Variants in DNAH5 observed in about 807,000 individuals in gnomAD.
DNAH5 encodes the protein dynein axonemal heavy chain 5, also known as axonemal beta dynein heavy chain 5.
A neutral mutation model predicts 518.2 loss-of-function variants in DNAH5; 372 were observed. The ratio of observed to expected loss-of-function variants is 0.72; its 90% CI spans 0.66 to 0.78. DNAH5 has a LOEUF of 0.78. Among genes scored for constraint, DNAH5 ranks in the 30% least tolerant of loss-of-function variants. The probability of loss-of-function intolerance (pLI) is 0.00; values close to 1 mark genes in which losing one functional copy is unlikely to be tolerated. For missense variants in DNAH5, 5,523 were observed against 5,687.0 expected (o/e 0.97, Z 0.93); for synonymous variants, 2,039 against 2,025.9 (o/e 1.01, Z -0.17).
rs765491656 is a variant in DNAH5 at position 13,891,023 on chromosome 5, G to A, written c.2530C>T (p.Pro844Ser). The A allele has an allele frequency of 1.9e-6, 3 of 1,614,164 alleles. No homozygotes were observed. Among genetic ancestry groups the A allele is most frequent in the Non-Finnish European group, 2.5e-6 (3 of 1,180,012 alleles). The change falls in exon 17 of 79, where the codon CCC (proline) becomes TCC (serine). Residue 844 changes from proline (P) to serine (S), a missense_variant. Transcript: ENST00000265104. ...EMSSTPLCQL[P>S]QEEPLTCEEF... is the part of the protein sequence containing the mutation. ...TCACAGGTTAGTGGCTCCTCCTGGG[G>A]AAGCTGACAAAGAGGCGTGCTGCTC...
At chr5:13,801,866 G>C (rs560319593) in intron 47 of DNAH5, among the ~76,000 whole-genome samples, 27 of 152,076 alleles carry the variant, frequency 1.8e-4, no homozygotes, top group African/African-American at 6.0e-4. Flanking sequence ...AAAACACATA[G>C]ACTGTGAAGT....
chr5:13,996,230 A>C (rs1581139363), intron 1 of DNAH5, among the ~76,000 whole-genome samples: 1 of 152,038 alleles, frequency 6.6e-6, no homozygotes, highest in East Asian at 1.9e-4. Flanking sequence ...CCCACCTCCT[A>C]ATACTATTAT....
chr5:13,793,850 A>C, intron 48 of DNAH5, 86 bp downstream of exon 48: 1 of 1,554,666 alleles, frequency 6.4e-7, no homozygotes, highest in South Asian at 1.2e-5. Flanking sequence ...GAAAAAGTAA[A>C]AACTTAAAAA....
intron 1 of DNAH5, among the ~76,000 whole-genome samples, chr5:13,961,601 A>G (rs1446626457): frequency 6.6e-6 from 1 of 152,152 alleles, no homozygotes; most frequent in Non-Finnish European, 1.5e-5. Context: ...CCAAGATCAC[A>G]TCACTGCGCT....
intron 1 of DNAH5, among the ~76,000 whole-genome samples, chr5:13,994,018 C>A (rs1009425583): frequency 3.3e-5 from 5 of 152,222 alleles, no homozygotes; most frequent in African/African-American, 1.2e-4. Flanking sequence ...TCCAGGTGAG[C>A]CTCAGGCATG....
At chr5:14,011,680 C>T (rs1486295163) in exon 1 of DNAH5, among the ~76,000 whole-genome samples, 1 of 152,090 alleles carries the variant, frequency 6.6e-6, no homozygotes, top group East Asian at 1.9e-4. Context: ...TGCGGCGCTC[C>T]GCTGGGACTC....
At chr5:13,902,013 T>C in intron 13 of DNAH5, 40 bp downstream of exon 13, 6 of 1,349,870 alleles carry the variant, frequency 4.4e-6, no homozygotes, top group Non-Finnish European at 6.2e-6. Context: ...AGCTAAACTA[T>C]CCCAATTTTA....
chr5:13,971,380 G>A (rs957183597), intron 1 of DNAH5, among the ~76,000 whole-genome samples: 3 of 152,060 alleles, frequency 2.0e-5, no homozygotes, highest in African/African-American at 4.8e-5. Flanking sequence ...TGTTTTTCTG[G>A]TTCCTTCTCA....
intron 1 of DNAH5, among the ~76,000 whole-genome samples, chr5:13,959,309 G>A (rs145638410): frequency 3.3e-5 from 5 of 152,310 alleles, no homozygotes; most frequent in Non-Finnish European, 5.9e-5. Context: ...GCAGATACAG[G>A]CCATTTTGAA....
chr5:13,695,902 A>G (rs934355069), intron 78 of DNAH5, among the ~76,000 whole-genome samples: 26 of 152,256 alleles, frequency 1.7e-4, no homozygotes, highest in African/African-American at 5.1e-4. Context: ...GCATCTACTT[A>G]CGCATGGACC....
intron 16 of DNAH5, 108 bp from the exon 17 acceptor site, chr5:13,891,229 C>A (rs1773177296): frequency 8.4e-7 from 1 of 1,191,734 alleles, no homozygotes; most frequent in South Asian, 1.3e-5. Flanking sequence ...TTTAAAGATT[C>A]TCAGTTACGT....
intron 1 of DNAH5, among the ~76,000 whole-genome samples, chr5:13,954,653 C>T (rs1162010835): frequency 1.3e-5 from 2 of 152,198 alleles, no homozygotes; most frequent in Non-Finnish European, 2.9e-5. Context: ...TCTGCTTCTC[C>T]ACTTTCTTCC....
At chr5:13,878,423 A>AC (rs559728499) in intron 21 of DNAH5, among the ~76,000 whole-genome samples, 19 of 151,864 alleles carry the variant, frequency 1.3e-4, no homozygotes, top group Non-Finnish European at 1.3e-4. Flanking sequence ...GGCTTCTGGC[A>AC]CCCCCCCGCC....
chr5:13,977,431 A>G (rs1403946685), intron 1 of DNAH5, among the ~76,000 whole-genome samples: 2 of 152,168 alleles, frequency 1.3e-5, no homozygotes, highest in East Asian at 1.9e-4. Flanking sequence ...AGGCTTATAA[A>G]CAACAGAAAT....
At chr5:13,852,333 A>G (rs1008877359) in intron 30 of DNAH5, among the ~76,000 whole-genome samples, 1 of 151,874 alleles carries the variant, frequency 6.6e-6, no homozygotes, top group African/African-American at 2.4e-5. Context: ...ATGCCTGGCT[A>G]ATTTTGTATT....
At chr5:13,878,641 C>T (rs1771228683) in intron 21 of DNAH5, among the ~76,000 whole-genome samples, 1 of 152,176 alleles carries the variant, frequency 6.6e-6, no homozygotes, top group African/African-American at 2.4e-5. Flanking sequence ...ATAGCTCCTA[C>T]CCAAAGGACT....
At chr5:13,879,310 T>C (rs764838463) in intron 21 of DNAH5, among the ~76,000 whole-genome samples, 2 of 152,226 alleles carry the variant, frequency 1.3e-5, no homozygotes, top group Non-Finnish European at 2.9e-5. Context: ...CTCCTTGACC[T>C]ATGATGAAGT....
intron 1 of DNAH5, among the ~76,000 whole-genome samples, chr5:13,941,089 A>G (rs1779419509): frequency 6.6e-6 from 1 of 151,978 alleles, no homozygotes; most frequent in South Asian, 2.1e-4. Context: ...ACAATGGCTC[A>G]TGTCTGTTAT....
chr5:13,861,075 A>G (rs1768349003), intron 29 of DNAH5, among the ~76,000 whole-genome samples: 1 of 152,212 alleles, frequency 6.6e-6, no homozygotes, highest in Non-Finnish European at 1.5e-5. Context: ...GGTTCAATAA[A>G]TATATATTGA....
Sources: allele counts gnomAD v4.1 joint callset (sites outside exome capture counted in the v4.1 genomes callset), GRCh38; gene constraint gnomAD v4.1.1; transcripts MANE v1.5; gene names NCBI Gene and HGNC (gene_info 2026-07-23, HGNC 2026-07-21).